NDOR1: variants seen among roughly 807,000 people sequenced by gnomAD.
NDOR1 encodes NADPH-dependent diflavin oxidoreductase 1.
In NDOR1, 61 loss-of-function variants were observed where a neutral mutation model predicts 67.2. The observed-to-expected ratio is 0.91, with a 90% CI of 0.74 to 1.12. The LOEUF is 1.12. NDOR1 is among the 50% of genes most tolerant of loss of function. The probability of loss-of-function intolerance (pLI) is 0.00; values close to 1 mark genes in which losing one functional copy is unlikely to be tolerated. For missense variants in NDOR1, 878 were observed against 802.8 expected (o/e 1.09, Z -1.13); for synonymous variants, 378 against 343.7 (o/e 1.10, Z -1.10).
At chr9:137,206,383 G>A (rs562606432) in intron 2 of NDOR1, 74 bp downstream of exon 2, 1 of 1,464,282 alleles carries the variant, frequency 6.8e-7, no homozygotes, top group South Asian at 1.1e-5. Context: ...CTGGCGTCTA[G>A]GTGCAGTAAA....
chr9:137,205,904 T>C lies in NDOR1; in HGVS notation c.127T>C (p.Tyr43His). ...CTGCCGGGTGCAGGCCCTGGACTCCTACCCGGTGGTGAGGGCTCGCTAGGG... is the reference window on the plus strand; with the variant it reads ...CTGCCGGGTGCAGGCCCTGGACTCCCACCCGGTGGTGAGGGCTCGCTAGGG... ...LGCRVQALDSYPVVNLINEPL... is the reference protein window; with the variant it reads ...LGCRVQALDSHPVVNLINEPL... Residue 43 changes from tyrosine (Y) to histidine (H), a missense_variant, in exon 1 of 14, where the codon TAC becomes CAC. Tyr to His is a moderately conservative substitution (Grantham distance 83, BLOSUM62 2). Coordinates refer to ENST00000684003, the MANE Select transcript of NDOR1 (RefSeq NM_014434.4). The C allele has an allele frequency of 6.3e-7, 1 of 1,591,814 alleles. No homozygotes were observed. The highest frequency in any genetic ancestry group is 8.5e-7 in the Non-Finnish European group (1 of 1,174,786).
chr9:137,206,669 T>C (rs1326422775), intron 2 of NDOR1, among the ~76,000 whole-genome samples: 1 of 152,180 alleles, frequency 6.6e-6, no homozygotes, highest in African/African-American at 2.4e-5. Context: ...AGTCTGGTGC[T>C]GGGGATCCAG....
Position 137,215,975 on chromosome 9 carries a change from G to A in NDOR1, c.1512G>A (p.Lys504=), listed in dbSNP as rs776991592. Residue 504 remains lysine (K), a synonymous_variant, in exon 12 of 14, where the codon AAG becomes AAA. Coordinates refer to ENST00000684003, the MANE Select transcript of NDOR1 (RefSeq NM_014434.4). ...YWEAEWQELE[K]RDCLTLIPAF... is the part of the protein sequence containing the mutation. ...AGGCTGAGTGGCAGGAGCTGGAGAA[G>A]CGGGACTGTCTGACCCTCATCCCTG... 7 of 1,613,280 alleles carry A rather than the reference G, an allele frequency of 4.3e-6. No individual in the cohort carries two copies. The highest frequency in any genetic ancestry group is 5.9e-6 in the Non-Finnish European group (7 of 1,180,008).
chr9:137,216,585 C>T lies in NDOR1; in HGVS notation c.*169C>T, dbSNP rs1482513053. 1.1e-6 allele frequency: 1 copy of T among 900,458 alleles called. No homozygotes were observed. The highest frequency in any genetic ancestry group is 1.6e-6 in the Non-Finnish European group (1 of 611,488). 55.8% of individuals were successfully genotyped at this position (900,458 alleles called of 1,614,324 possible). ...CCGCACTCCTGTTGACCCTGGATCC[C>T]ACCCTTTGAGCCTGACCCCACTGCA... On this transcript the variant is annotated 3_prime_UTR_variant, in exon 14 of 14. Transcript: ENST00000684003.
In NDOR1 at chr9:137,215,430, C is replaced by G; in HGVS notation, c.1197C>G (p.Ile399Met). 4 of 1,595,186 alleles carry G rather than the reference C, an allele frequency of 2.5e-6. No individual in the cohort carries two copies. Among genetic ancestry groups the G allele is most frequent in the Non-Finnish European group, 3.4e-6 (4 of 1,167,854 alleles). Residue 399 changes from isoleucine to methionine, a missense_variant, in exon 10 of 14, where the codon ATC becomes ATG. Coordinates refer to ENST00000684003, the MANE Select transcript of NDOR1 (RefSeq NM_014434.4). ...AGACTCACCCCTCACGGCTGCAGATCCTCGTGGCTGTAGTGCAGTTCCAGA... is the reference window on the plus strand; with the variant it reads ...AGACTCACCCCTCACGGCTGCAGATGCTCGTGGCTGTAGTGCAGTTCCAGA... ...SLLTHPSRLQ[I>M]LVAVVQFQTR...
Position 137,218,436 on chromosome 9 carries a change from C to A in NDOR1, c.*2020C>A. On this transcript the variant is annotated 3_prime_UTR_variant, in exon 14 of 14. Transcript: ENST00000684003. Reference sequence around the variant, plus strand: ...TGCCTGCCCTTCCTGCCCTGTCCACCCTGCCTGGGTGCCCGGCTCTGGACC... The same window carrying A: ...TGCCTGCCCTTCCTGCCCTGTCCACACTGCCTGGGTGCCCGGCTCTGGACC... 2.5e-6 allele frequency: 1 copy of A among 398,482 alleles called. No individual in the cohort carries two copies. The highest frequency in any genetic ancestry group is 4.4e-6 in the Non-Finnish European group (1 of 226,016). 24.7% of individuals were successfully genotyped at this position (398,482 alleles called of 1,614,324 possible). A position where few individuals can be genotyped will look rare whatever the true frequency, so the allele number is the denominator to read the frequency against.
Position 137,216,235 on chromosome 9 carries a change from C to T in NDOR1, c.1650-37C>T, listed in dbSNP as rs777096312. 3.1e-6 allele frequency: 5 copies of T among 1,612,960 alleles called. No individual in the cohort carries two copies. The Admixed American group carries it at 8.3e-5, about 27-fold the overall frequency. On this transcript the variant is annotated intron_variant, in intron 13 of 13. Coordinates refer to ENST00000684003, the MANE Select transcript of NDOR1 (RefSeq NM_014434.4). The stretch of plus-strand genomic sequence containing the variant: ...AGGAGTGGGCCCAGCCCCTGAGTGC[C>T]AGGCCTCATTGCGCCTTCTGCGACC...
rs1835780915 is a variant in NDOR1, at chr9:137,219,254, A to G, written c.*2838A>G. 1 of 152,252 alleles carries G rather than the reference A, an allele frequency of 6.6e-6. No individual in the cohort carries two copies. The highest frequency in any genetic ancestry group is 2.1e-4 in the South Asian group (1 of 4,836). 9.4% of individuals were successfully genotyped at this position (152,252 alleles called of 1,614,324 possible). A position where few individuals can be genotyped will look rare whatever the true frequency, so the allele number is the denominator to read the frequency against. ...CTTGGAACATAAGCTCTGCCCCTGC[A>G]CACCCTCATGTCACCACACCTGGGA... is the stretch of plus-strand genomic sequence containing the variant. On this transcript the variant is annotated 3_prime_UTR_variant, in exon 14 of 14. Transcript: ENST00000684003.
Position 137,214,145 on chromosome 9 carries a change from G to A in NDOR1, c.513-59G>A, listed in dbSNP as rs896530086. On this transcript the variant is annotated intron_variant, in intron 5 of 13. Coordinates refer to ENST00000684003, the MANE Select transcript of NDOR1 (RefSeq NM_014434.4). The stretch of plus-strand genomic sequence containing the variant: ...GGGGACCTCGCCCTGGGTCCCTCCC[G>A]TGTGGGTGGGCGGCCCCTGGGGAGT... 105 of 1,546,084 alleles carry A rather than the reference G, an allele frequency of 6.8e-5. No homozygotes were observed. The South Asian group carries it at 8.9e-4, about 13-fold the overall frequency.
In NDOR1 at chr9:137,212,664, G is replaced by T; in HGVS notation, c.311+65G>T. The T allele has an allele frequency of 6.9e-7, 1 of 1,457,438 alleles. No individual in the cohort carries two copies. Among genetic ancestry groups the T allele is most frequent in the Non-Finnish European group, 9.6e-7 (1 of 1,039,170 alleles). 90.3% of individuals were successfully genotyped at this position (1,457,438 alleles called of 1,614,324 possible). ...TGGGGGTCGAGCAACAGGTGTGCTG[G>T]CAGAGGACCGAGACCAGCTTCCAGG... On this transcript the variant is annotated intron_variant, in intron 3 of 13. Coordinates refer to ENST00000684003, the MANE Select transcript of NDOR1 (RefSeq NM_014434.4). The surrounding 1 kb of genome is among the most constrained non-coding windows in gnomAD (Gnocchi z 4.3).
chr9:137,206,195 A>G (rs1402723619), intron 1 of NDOR1, 37 bp from the exon 2 acceptor site: 6 of 1,612,514 alleles, frequency 3.7e-6, no homozygotes, highest in Non-Finnish European at 5.1e-6. Context: ...CGGTCCTTAC[A>G]GCCGGAGGTC....
intron 3 of NDOR1, among the ~76,000 whole-genome samples, chr9:137,213,109 C>T (rs1302262790): frequency 1.3e-5 from 2 of 152,166 alleles, no homozygotes; most frequent in Non-Finnish European, 2.9e-5. Flanking sequence ...GCATCAAAAG[C>T]CGTTTGCATA....
Position 137,214,669 on chromosome 9 carries a change from C to T in NDOR1, c.822C>T (p.Phe274=), listed in dbSNP as rs773432185. The change falls in exon 7 of 14, where the codon TTC becomes TTT. Residue 274 remains phenylalanine (F), a synonymous_variant. Coordinates refer to ENST00000684003, the MANE Select transcript of NDOR1 (RefSeq NM_014434.4). ...TGGGCCTGGACCCTGACCAGCTCTT[C>T]ATGCTGCAGCCGCGGGAGCCAGGTG... ...QVLGLDPDQL[F]MLQPREPDVS... 10 of 1,605,412 alleles carry T rather than the reference C, an allele frequency of 6.2e-6. No individual in the cohort carries two copies. In the East Asian group the frequency reaches 1.8e-4, roughly 29 times the overall value.
chr9:137,207,971 G>A (rs916739399), intron 2 of NDOR1, among the ~76,000 whole-genome samples: 2 of 149,900 alleles, frequency 1.3e-5, no homozygotes, highest in Non-Finnish European at 3.0e-5. Flanking sequence ...GGTGAAACCC[G>A]TCTCTACTAA....
intron 2 of NDOR1, among the ~76,000 whole-genome samples, chr9:137,208,796 C>T (rs1330174519): frequency 1.3e-5 from 2 of 151,810 alleles, no homozygotes; most frequent in Non-Finnish European, 1.5e-5. Flanking sequence ...TACACTCCAG[C>T]CTGGGCGACA....
intron 5 of NDOR1, 47 bp from the exon 6 acceptor site, chr9:137,214,157 G>T: frequency 6.4e-7 from 1 of 1,560,242 alleles, no homozygotes; most frequent in East Asian, 2.4e-5. Context: ...GTGGGTGGGC[G>T]GCCCCTGGGG....
In NDOR1 at chr9:137,217,754, C is replaced by T. The variant is rs1215848961; in HGVS notation, c.*1338C>T. 2.6e-6 allele frequency: 1 copy of T among 388,290 alleles called. No individual in the cohort carries two copies. The highest frequency in any genetic ancestry group is 3.7e-5 in the East Asian group (1 of 27,392). 24.1% of individuals were successfully genotyped at this position (388,290 alleles called of 1,614,324 possible). A position where few individuals can be genotyped will look rare whatever the true frequency, so the allele number is the denominator to read the frequency against. On this transcript the variant is annotated 3_prime_UTR_variant, in exon 14 of 14. Transcript: ENST00000684003. ...CCTGAGGGCCGCCCCTGTCGCCGCC[C>T]TGGGGTCCCTGTCCTCCTATCCTGA... is the stretch of plus-strand genomic sequence containing the variant.
intron 2 of NDOR1, among the ~76,000 whole-genome samples, chr9:137,208,919 G>A (rs138234095): frequency 0.06 from 9,145 of 151,866 alleles, 373 homozygotes; most frequent in African/African-American, 0.11. Flanking sequence ...TCGCTCTGTC[G>A]CCCAGGCTGG....
rs1338923160 is a variant in NDOR1, at chr9:137,217,977, C to A, written c.*1561C>A. ...GGTGCTGAGACTACAGCCAGTGAGC[C>A]CCTGCTGGGGGCCAAAGCCATGGAG... On this transcript the variant is annotated 3_prime_UTR_variant, in exon 14 of 14. Coordinates refer to ENST00000684003, the MANE Select transcript of NDOR1 (RefSeq NM_014434.4). 1 of 398,694 alleles carries A rather than the reference C, an allele frequency of 2.5e-6. No individual in the cohort carries two copies. The highest frequency in any genetic ancestry group is 2.1e-5 in the African/African-American group (1 of 48,632). The allele number at this position is 398,694 out of a possible 1,614,324, so 24.7% of individuals were successfully genotyped here.
Sources: gnomAD v4.1 joint callset for allele counts (sites outside exome capture counted in the v4.1 genomes callset) on GRCh38, gnomAD v4.1.1 for gene constraint, Gnocchi (gnomAD v3.1) non-coding constraint, MANE v1.5 for transcripts, NCBI Gene and HGNC (gene_info 2026-07-23, HGNC 2026-07-21) for gene names.